MED15: variants seen among roughly 807,000 people sequenced by gnomAD.
The protein encoded by MED15 is mediator complex subunit 15.
In MED15, 41 loss-of-function variants were observed where a neutral mutation model predicts 118.7. That is an observed-to-expected ratio of 0.35 (90% CI 0.27 to 0.45). MED15 has a LOEUF of 0.45. Among genes scored for constraint, MED15 ranks in the 20% least tolerant of loss-of-function variants. MED15 has a pLI of 1.00. For synonymous variants in MED15, 436 were observed against 413.9 expected (o/e 1.05, Z -0.65); for missense variants, 740 against 1,025.5 (o/e 0.72, Z 3.80).
At position 20,575,322 on chromosome 22, in the gene MED15, G is replaced by A. The variant is rs183753112; in HGVS notation, c.1272+90G>A. The A allele has an allele frequency of 1.7e-5, 25 of 1,475,800 alleles. No homozygotes were observed. The Admixed American group carries it at 3.0e-4, about 18-fold the overall frequency. The allele number at this position is 1,475,800 out of a possible 1,614,324, so 91.4% of individuals were successfully genotyped here. ...AAGCGCACCTGTCATTATCATCGCC[G>A]GTGACTTCTTTTATGGTGGCTTTCA... On this transcript the variant is annotated intron_variant, in intron 9 of 17. Coordinates refer to ENST00000263205, the MANE Select transcript of MED15 (RefSeq NM_001003891.3).
chr22:20,568,061 G>T (rs2056507658), intron 7 of MED15, among the ~76,000 whole-genome samples: 4 of 152,192 alleles, frequency 2.6e-5, no homozygotes, highest in Admixed American at 2.6e-4. Flanking sequence ...GGCTAGTCTT[G>T]ATCTCCTGGG....
rs117948318 is a variant in MED15 at position 20,568,611 on chromosome 22, A to C, written c.1132A>C (p.Met378Leu). 8.2e-4 allele frequency: 1,318 copies of C among 1,613,570 alleles called. 17 individuals carry two copies. In the East Asian group the frequency reaches 0.026, roughly 32 times the overall value. Residue 378 changes from methionine (M) to leucine (L), a missense_variant, in exon 8 of 18, where the codon ATG (methionine) becomes CTG (leucine). Physicochemically the swap from Met to Leu is conservative, Grantham distance 15. Around this residue, in one of 7 missense-constraint regions of MED15, gnomAD observed 384 missense variants for 506.3 expected, o/e 0.76. Coordinates refer to ENST00000263205, the MANE Select transcript of MED15 (RefSeq NM_001003891.3). Reference sequence around the variant, plus strand: ...AGTACAGACAGCTCAGGCTGCCCAGATGGTGGCTCCCGGAGTCCAGGTGAG... The same window carrying C: ...AGTACAGACAGCTCAGGCTGCCCAGCTGGTGGCTCCCGGAGTCCAGGTGAG... ...TAVQTAQAAQ[M>L]VAPGVQMITE...
chr22:20,585,979 A>G (rs165695), intron 17 of MED15, among the ~76,000 whole-genome samples, 153 bp downstream of exon 17: 30,376 of 151,948 alleles, frequency 0.2, 3,103 homozygotes, highest in South Asian at 0.26. Flanking sequence ...CCTCCTGCAC[A>G]GACAGCAGCG....
chr22:20,515,468 A>G (rs947861673), intron 1 of MED15, among the ~76,000 whole-genome samples: 2 of 152,096 alleles, frequency 1.3e-5, no homozygotes, highest in Non-Finnish European at 2.9e-5. Context: ...CGAGCTAAAA[A>G]AAAAAAATTG....
chr22:20,558,656 T>C (rs2056111177), intron 5 of MED15, among the ~76,000 whole-genome samples: 1 of 152,126 alleles, frequency 6.6e-6, no homozygotes, highest in African/African-American at 2.4e-5. Context: ...CTGCAGCAGT[T>C]GGGGAGGCTT....
Position 20,568,622 on chromosome 22 carries a change from C to T in MED15, c.1143C>T (p.Pro381=), listed in dbSNP as rs759775069. The T allele has an allele frequency of 3.0e-5, 49 of 1,613,058 alleles. No homozygotes were observed. The East Asian group carries it at 3.8e-4, about 12-fold the overall frequency. Residue 381 remains proline, a synonymous_variant, in exon 8 of 18, where the codon CCC becomes CCT. Transcript: ENST00000263205. ...CTCAGGCTGCCCAGATGGTGGCTCC[C>T]GGAGTCCAGGTGAGGGCCTGGGGGT... ...QTAQAAQMVA[P]GVQMITEALA...
intron 6 of MED15, among the ~76,000 whole-genome samples, chr22:20,565,522 G>A (rs1040938871): frequency 6.6e-6 from 1 of 152,186 alleles, no homozygotes; most frequent in African/African-American, 2.4e-5. Flanking sequence ...GAGTCTAGAC[G>A]TGTTAAACAT....
intron 1 of MED15, among the ~76,000 whole-genome samples, chr22:20,512,817 C>A (rs950288710): frequency 6.7e-6 from 1 of 148,852 alleles, no homozygotes; most frequent in African/African-American, 2.5e-5. Flanking sequence ...ATCTCGGTTC[C>A]TTCAACCTCT....
At chr22:20,513,521 C>T (rs916774934) in intron 1 of MED15, among the ~76,000 whole-genome samples, 3 of 152,192 alleles carry the variant, frequency 2.0e-5, no homozygotes, top group Non-Finnish European at 4.4e-5. Context: ...TCATGACCCA[C>T]CTGCCTCGGC....
intron 1 of MED15, among the ~76,000 whole-genome samples, chr22:20,513,099 T>C (rs1163530527): frequency 6.6e-6 from 1 of 151,790 alleles, no homozygotes; most frequent in Non-Finnish European, 1.5e-5. Flanking sequence ...AGAGACAGGG[T>C]CTTGCTTTGT....
chr22:20,546,087 G>A (rs1443091495), intron 2 of MED15, among the ~76,000 whole-genome samples: 2 of 152,122 alleles, frequency 1.3e-5, no homozygotes, highest in Non-Finnish European at 1.5e-5. Flanking sequence ...AAGTTTCAAC[G>A]CTTTTTTCCT....
At position 20,582,887 on chromosome 22, in the gene MED15, C is replaced by T. The variant is rs1473099281; in HGVS notation, c.1457C>T (p.Pro486Leu). 3.7e-6 allele frequency: 6 copies of T among 1,613,498 alleles called. No homozygotes were observed. Among genetic ancestry groups the T allele is most frequent in the East Asian group, 2.2e-5 (1 of 44,890 alleles). Residue 486 changes from proline (P) to leucine (L), a missense_variant, in exon 11 of 18, where the codon CCG becomes CTG. By Grantham distance (98) the Pro-to-Leu change is moderately conservative. Around this residue, in one of 7 missense-constraint regions of MED15, gnomAD observed 384 missense variants for 506.3 expected, o/e 0.76. Coordinates refer to ENST00000263205, the MANE Select transcript of MED15 (RefSeq NM_001003891.3). The part of the protein sequence containing the change: ...SPSSFLPSPS[P>L]QPSQSPVTAR... Reference sequence around the variant, plus strand: ...AGTAGCTTCCTGCCCAGCCCCTCACCGCAGCCCTCCCAGAGCCCAGTGACG... The same window carrying T: ...AGTAGCTTCCTGCCCAGCCCCTCACTGCAGCCCTCCCAGAGCCCAGTGACG...
chr22:20,551,367 C>T (rs747577254), intron 2 of MED15, 69 bp from the exon 3 acceptor site: 15 of 1,412,188 alleles, frequency 1.1e-5, no homozygotes, highest in African/African-American at 8.5e-5. Context: ...GGCGAGGGGG[C>T]GGGAAGGGGG....
intron 8 of MED15, among the ~76,000 whole-genome samples, chr22:20,572,236 CTCCCCTTGTGTTGTTCACACAGTGGACA>C (rs2146625269): frequency 6.6e-6 from 1 of 152,350 alleles, no homozygotes; most frequent in East Asian, 1.9e-4. Context: ...CAGATTGGAG[CTCCCCTTGTGTTGTTCACACAGTGGACA>C]TCAGGACGTG....
intron 1 of MED15, among the ~76,000 whole-genome samples, chr22:20,533,990 C>A (rs2054957698): frequency 6.6e-6 from 1 of 152,168 alleles, no homozygotes; most frequent in South Asian, 2.1e-4. Context: ...TCTGCTGACA[C>A]TCTCAAAAAC....
chr22:20,510,127 C>A (rs1233991939), intron 1 of MED15, among the ~76,000 whole-genome samples: 1 of 152,162 alleles, frequency 6.6e-6, no homozygotes, highest in Non-Finnish European at 1.5e-5. Context: ...TGGCTCACGC[C>A]TGTAATCCCA....
intron 8 of MED15, among the ~76,000 whole-genome samples, chr22:20,572,839 C>T (rs535495697): frequency 6.6e-5 from 10 of 152,236 alleles, no homozygotes; most frequent in East Asian, 5.8e-4. Flanking sequence ...TTGGGAGGAT[C>T]GTGCAAGCCC....
chr22:20,568,412 C>T, intron 7 of MED15, 109 bp from the exon 8 acceptor site: 1 of 1,471,356 alleles, frequency 6.8e-7, no homozygotes, highest in Non-Finnish European at 9.1e-7. Context: ...CATGAAAGTC[C>T]CATTCCTCAC....
At chr22:20,559,551 G>C (rs1368629073) in intron 5 of MED15, among the ~76,000 whole-genome samples, 2 of 152,224 alleles carry the variant, frequency 1.3e-5, no homozygotes, top group Non-Finnish European at 2.9e-5. Flanking sequence ...CCCCAACCAA[G>C]TTAGCCATCT....
Sources: allele counts gnomAD v4.1 joint callset (sites outside exome capture counted in the v4.1 genomes callset), GRCh38; gene constraint gnomAD v4.1.1; regional missense constraint gnomAD v4.1.1; transcripts MANE v1.5; gene names NCBI Gene and HGNC (gene_info 2026-07-23, HGNC 2026-07-21).